Variants in CYTH3 observed in about 807,000 individuals in gnomAD.
CYTH3 encodes cytohesin-3.
CYTH3 carries 23 observed loss-of-function variants against 55.1 expected under a neutral mutation model. That is an observed-to-expected ratio of 0.42 (90% CI 0.30 to 0.59). The LOEUF (loss-of-function observed/expected upper bound fraction) is 0.59, where lower values mean the gene tolerates loss of function less well. Ranked by LOEUF, CYTH3 falls within the 20% of genes least tolerant of loss-of-function variation. The pLI is 0.20. For synonymous variants in CYTH3, 249 were observed against 194.9 expected (o/e 1.28, Z -2.31); for missense variants, 413 against 524.8 (o/e 0.79, Z 2.08).
intron 4 of CYTH3, among the ~76,000 whole-genome samples, chr7:6,179,199 T>C (rs770240280): frequency 1.1e-4 from 16 of 152,108 alleles, no homozygotes; most frequent in Non-Finnish European, 2.1e-4. Flanking sequence ...TCTACAGCCA[T>C]GAAATGGAAT....
chr7:6,243,829 T>A lies in CYTH3; in HGVS notation c.34+28645A>T, dbSNP rs79091562. ...GAGGATAATGGAGAAGAAATGAGGT[T>A]TGAATCGTATGGAGTCAGAGATAAT... On this transcript the variant is annotated intron_variant, in intron 1 of 12. Transcript: ENST00000350796. 5.3e-3 allele frequency among the ~76,000 whole-genome samples: 805 copies of A among 152,236 alleles called. 4 individuals carry two copies. Among genetic ancestry groups the A allele is most frequent in the Middle Eastern group, 0.02 (6 of 294 alleles).
At position 6,170,474 on chromosome 7, in the gene CYTH3, C is replaced by T; in HGVS notation, c.823+61G>A. On this transcript the variant is annotated intron_variant, in intron 9 of 12. Transcript: ENST00000350796. The surrounding 1 kb of genome is among the most constrained non-coding windows in gnomAD (Gnocchi z 7.8). ...TCCTACGATGAGCCTGGGAGGAACCCGAGGGGCTGCTGCCATGGGCAGAGG... is the reference window on the plus strand; with the variant it reads ...TCCTACGATGAGCCTGGGAGGAACCTGAGGGGCTGCTGCCATGGGCAGAGG... The T allele has an allele frequency of 6.7e-7, 1 of 1,501,460 alleles. No homozygotes were observed. The highest frequency in any genetic ancestry group is 9.1e-7 in the Non-Finnish European group (1 of 1,093,872). 93.0% of individuals were successfully genotyped at this position (1,501,460 alleles called of 1,614,324 possible).
intron 1 of CYTH3, among the ~76,000 whole-genome samples, chr7:6,233,655 C>CA (rs557639314): frequency 0.042 from 3,329 of 79,244 alleles, 109 homozygotes; most frequent in African/African-American, 0.091. Flanking sequence ...GACTCCATCT[C>CA]AAAAAAAAAA....
chr7:6,269,019 C>A (rs1780581653), intron 1 of CYTH3, among the ~76,000 whole-genome samples: 1 of 152,162 alleles, frequency 6.6e-6, no homozygotes, highest in Non-Finnish European at 1.5e-5. Context: ...GACAAGGTAC[C>A]TGCCAGAGAC....
At chr7:6,207,952 G>T (rs554110100) in intron 1 of CYTH3, among the ~76,000 whole-genome samples, 1 of 152,162 alleles carries the variant, frequency 6.6e-6, no homozygotes, top group East Asian at 1.9e-4. Context: ...CCTGTCTTGG[G>T]GGGGTGGGGG....
chr7:6,182,389 C>T (rs931841035), intron 4 of CYTH3, among the ~76,000 whole-genome samples: 4 of 152,200 alleles, frequency 2.6e-5, no homozygotes, highest in Admixed American at 2.0e-4. Flanking sequence ...CATTCTGTTG[C>T]CCAGGCTAGA....
chr7:6,187,177 G>C (rs950270225), intron 3 of CYTH3, 61 bp from the exon 4 acceptor site: 3 of 1,531,390 alleles, frequency 2.0e-6, no homozygotes, highest in East Asian at 2.3e-5. Context: ...GCCCAGTCAC[G>C]GCCCTCCAGT....
rs373042759 is a variant in CYTH3, at chr7:6,191,621, A to T, written c.35-1090T>A. On this transcript the variant is annotated intron_variant, in intron 1 of 12. Transcript: ENST00000350796. The stretch of plus-strand genomic sequence containing the variant: ...TTTTTTTTTTTTTTTTTTGAGACAG[A>T]ATCTGACTCTGTCACCCTGGCTGGA... Among the ~76,000 whole-genome samples the T allele has an allele frequency of 8.5e-5, 12 of 142,002 alleles. No individual in the cohort carries two copies. In the East Asian group the frequency reaches 1.6e-3, roughly 19 times the overall value. The allele number at this position is 142,002 out of a possible 152,430, so 93.2% of individuals were successfully genotyped here.
intron 1 of CYTH3, among the ~76,000 whole-genome samples, chr7:6,260,394 A>G (rs1002909738): frequency 6.6e-6 from 1 of 152,166 alleles, no homozygotes; most frequent in African/African-American, 2.4e-5. Context: ...CTTGAGAAGT[A>G]TTTCACTGCA....
chr7:6,267,832 A>G (rs1780541077), intron 1 of CYTH3, among the ~76,000 whole-genome samples: 1 of 152,144 alleles, frequency 6.6e-6, no homozygotes, highest in Non-Finnish European at 1.5e-5. Flanking sequence ...GTATTTTTTA[A>G]TCTATAAAAA....
intron 9 of CYTH3, among the ~76,000 whole-genome samples, chr7:6,168,963 T>C (rs1487486976): frequency 6.6e-6 from 1 of 151,034 alleles, no homozygotes; most frequent in African/African-American, 2.4e-5. Flanking sequence ...CCGGTTACAT[T>C]CCCCCCCACC....
intron 12 of CYTH3, 60 bp downstream of exon 12, chr7:6,165,213 C>T (rs1222502345): frequency 6.3e-7 from 1 of 1,576,128 alleles, no homozygotes; most frequent in Non-Finnish European, 8.6e-7. Context: ...CCAGACCATC[C>T]CCCGCCCTCC....
intron 1 of CYTH3, among the ~76,000 whole-genome samples, chr7:6,243,522 T>C (rs1779727571): frequency 6.6e-6 from 1 of 152,206 alleles, no homozygotes; most frequent in Admixed American, 6.5e-5. Flanking sequence ...CCACACTTCT[T>C]CTGGCAGGTG....
At position 6,163,104 on chromosome 7, in the gene CYTH3, G is replaced by T. The variant is rs17136052; in HGVS notation, c.*1840C>A. On this transcript the variant is annotated 3_prime_UTR_variant, in exon 13 of 13. Transcript: ENST00000350796. Reference sequence around the variant, plus strand: ...GGTATCAGTAACAAAGCCTAAGAACGTGGGAATGAAAGTCTGATGCAGGAC... The same window carrying T: ...GGTATCAGTAACAAAGCCTAAGAACTTGGGAATGAAAGTCTGATGCAGGAC... 0.16 allele frequency: 24,055 copies of T among 152,708 alleles called. 2,095 individuals carry two copies. The highest frequency in any genetic ancestry group is 0.21 in the African/African-American group (8,844 of 41,552). 9.5% of individuals were successfully genotyped at this position (152,708 alleles called of 1,614,324 possible). A position where few individuals can be genotyped will look rare whatever the true frequency, so the allele number is the denominator to read the frequency against.
intron 1 of CYTH3, among the ~76,000 whole-genome samples, chr7:6,261,746 C>T (rs999590499): frequency 2.0e-5 from 3 of 150,354 alleles, no homozygotes; most frequent in African/African-American, 7.3e-5. Flanking sequence ...ACTTTAACTG[C>T]CTGCCAAATC....
At position 6,257,853 on chromosome 7, in the gene CYTH3, T is replaced by C. The variant is rs1780170006; in HGVS notation, c.34+14621A>G. Among the ~76,000 whole-genome samples the C allele has an allele frequency of 2.0e-5, 3 of 152,072 alleles. No individual in the cohort carries two copies. The South Asian group carries it at 6.2e-4, about 31-fold the overall frequency. On this transcript the variant is annotated intron_variant, in intron 1 of 12. Transcript: ENST00000350796. ...TCCCACATGACAGGAAGTGTGGAGG[T>C]AGGGAGGTTCCTGGGTGGGTGAAAT...
At chr7:6,259,893 T>C (rs7808237) in intron 1 of CYTH3, among the ~76,000 whole-genome samples, 5,671 of 129,644 alleles carry the variant, frequency 0.044, 588 homozygotes, top group African/African-American at 0.18. Context: ...AGCAATGGCG[T>C]GATCTCGGCT....
At chr7:6,223,365 T>C (rs745562978) in intron 1 of CYTH3, among the ~76,000 whole-genome samples, 32 of 152,276 alleles carry the variant, frequency 2.1e-4, no homozygotes, top group Non-Finnish European at 4.0e-4. Context: ...CGGGCCATGA[T>C]GACGATGGCG....
chr7:6,172,315 C>A (rs1207165561), intron 6 of CYTH3, among the ~76,000 whole-genome samples: 1 of 152,078 alleles, frequency 6.6e-6, no homozygotes, highest in Admixed American at 6.5e-5. Flanking sequence ...TGGCCCCACT[C>A]TCTACCAGGC....
Sources: gnomAD v4.1 joint callset for allele counts (sites outside exome capture counted in the v4.1 genomes callset) on GRCh38, gnomAD v4.1.1 for gene constraint, Gnocchi (gnomAD v3.1) non-coding constraint, MANE v1.5 for transcripts, NCBI Gene and HGNC (gene_info 2026-07-23, HGNC 2026-07-21) for gene names.